Variants in C4orf50 observed in about 807,000 individuals in gnomAD.
C4orf50 encodes uncharacterized protein C4orf50.
C4orf50 carries 80 observed loss-of-function variants against 77.2 expected under a neutral mutation model. That is an observed-to-expected ratio of 1.04 (90% confidence interval 0.87 to 1.25). The LOEUF is 1.25. Ranked by LOEUF, C4orf50 falls within the 50% of genes most tolerant of loss-of-function variation. The pLI is 0.00. For synonymous variants in C4orf50, 532 were observed against 465.3 expected, an observed-to-expected ratio of 1.14 and a Z score of -1.84; for missense variants, 1,257 against 1,152.9, an observed-to-expected ratio of 1.09 and a Z score of -1.31.
intron 28 of C4orf50, among the ~76,000 whole-genome samples, chr4:5,981,924 G>T (rs529320087): frequency 4.6e-5 from 7 of 152,248 alleles, no homozygotes; most frequent in African/African-American, 1.7e-4. Context: ...GGGTAGGTAG[G>T]AGGGGGATCC....
intron 25 of C4orf50, among the ~76,000 whole-genome samples, chr4:5,995,068 C>T (rs1425885339): frequency 6.6e-6 from 1 of 152,112 alleles, no homozygotes; most frequent in Non-Finnish European, 1.5e-5. Context: ...AAATGTCTTC[C>T]ATGAAACCAG....
chr4:6,011,014 G>A lies in C4orf50; in HGVS notation c.426+816C>T, dbSNP rs1051762674. On this transcript the variant is annotated intron_variant, in intron 24 of 33. Transcript: ENST00000531445. This position sits in a 1 kb window ranked among gnomAD's most constrained non-coding sequence, Gnocchi z 4.2. ...ACTTGCCCAAGGTCACACAGCTATCGAGTGGCAGAGCCAGGGTTTGGCTCC... is the reference window on the plus strand; with the variant it reads ...ACTTGCCCAAGGTCACACAGCTATCAAGTGGCAGAGCCAGGGTTTGGCTCC... Among the ~76,000 whole-genome samples the A allele has an allele frequency of 4.6e-5, 7 of 152,106 alleles. No individual in the cohort carries two copies. Among genetic ancestry groups the A allele is most frequent in the Admixed American group, 2.0e-4 (3 of 15,278 alleles).
At chr4:5,975,139 CAAAAAAAA>C (rs763836859) in intron 30 of C4orf50, among the ~76,000 whole-genome samples, 157 of 82,612 alleles carry the variant, frequency 1.9e-3, no homozygotes, top group East Asian at 0.016. Context: ...CACTCCATCT[CAAAAAAAA>C]AAAAAAAAAA....
exon 33 of C4orf50, chr4:5,965,125 G>C (rs541909138): frequency 1.2e-6 from 2 of 1,613,068 alleles, no homozygotes; most frequent in East Asian, 2.2e-5. Context: ...TCCATTTCAG[G>C]ATTCAAGAGG....
At chr4:5,990,327 TTTCCCCTTCCTGCCCAAA>T in exon 28 of C4orf50, 1 of 903,256 alleles carries the variant, frequency 1.1e-6, no homozygotes, top group Non-Finnish European at 1.5e-6. Context: ...CACCAAGGTT[TTTCCCCTTCCTGCCCAAA>T]GTCCCCCTTG....
chr4:5,939,042 G>C (rs1276006680), intron 7 of C4orf50, among the ~76,000 whole-genome samples: 1 of 152,142 alleles, frequency 6.6e-6, no homozygotes, highest in Admixed American at 6.5e-5. Flanking sequence ...AGGAGTTCAA[G>C]ACCAGCCTGG....
intron 25 of C4orf50, among the ~76,000 whole-genome samples, chr4:6,004,051 A>ATGATGG (rs1722032119): frequency 1.9e-5 from 1 of 51,706 alleles, no homozygotes; most frequent in Non-Finnish European, 4.1e-5. Context: ...GGTGATGGTG[A>ATGATGG]TGATGGTGAT....
chr4:5,953,739 G>A (rs1012738017), downstream of C4orf50, among the ~76,000 whole-genome samples: 3 of 152,178 alleles, frequency 2.0e-5, no homozygotes, highest in African/African-American at 7.2e-5. Flanking sequence ...TCCAAGACCT[G>A]CCCACCACAG....
chr4:5,914,652 T>C (rs1375516171), intron 7 of C4orf50, among the ~76,000 whole-genome samples: 1 of 152,244 alleles, frequency 6.6e-6, no homozygotes, highest in African/African-American at 2.4e-5. Context: ...AGCCAGCAGA[T>C]CTATCTGAAG....
At chr4:5,984,746 A>C (rs2108785062) in intron 28 of C4orf50, among the ~76,000 whole-genome samples, 1 of 152,258 alleles carries the variant, frequency 6.6e-6, no homozygotes, top group Middle Eastern at 3.4e-3. Context: ...AATTTCTAGA[A>C]GGAGAGGAAA....
intron 7 of C4orf50, among the ~76,000 whole-genome samples, chr4:5,925,707 G>C (rs908524102): frequency 6.6e-6 from 1 of 152,256 alleles, no homozygotes; most frequent in African/African-American, 2.4e-5. Context: ...ACATGGCCCT[G>C]GCCTTGGGGG....
intron 7 of C4orf50, among the ~76,000 whole-genome samples, chr4:5,931,961 G>A (rs1199465616): frequency 6.6e-6 from 1 of 152,126 alleles, no homozygotes; most frequent in Non-Finnish European, 1.5e-5. Flanking sequence ...ACGCAGAAGG[G>A]CAGAGGAGAA....
intron 7 of C4orf50, among the ~76,000 whole-genome samples, chr4:5,920,392 G>A (rs553388143): frequency 1.3e-5 from 2 of 152,158 alleles, no homozygotes; most frequent in South Asian, 4.1e-4. Context: ...CTATAACAGG[G>A]TCTGGAACAT....
At chr4:5,927,003 G>T (rs1458384074) in intron 7 of C4orf50, among the ~76,000 whole-genome samples, 1 of 152,140 alleles carries the variant, frequency 6.6e-6, no homozygotes, top group Non-Finnish European at 1.5e-5. Flanking sequence ...GACAGACAGG[G>T]AGTGTTCTGG....
chr4:5,931,794 G>C (rs1717780360), intron 7 of C4orf50, among the ~76,000 whole-genome samples: 1 of 152,048 alleles, frequency 6.6e-6, no homozygotes, highest in East Asian at 1.9e-4. Context: ...GTGGATCCAG[G>C]CTCTCCTTTA....
chr4:5,911,951 C>T (rs967706669), intron 7 of C4orf50, among the ~76,000 whole-genome samples: 1 of 152,068 alleles, frequency 6.6e-6, no homozygotes, highest in African/African-American at 2.4e-5. Context: ...GAGGCTGAGG[C>T]GGGAAAATCG....
chr4:5,994,411 G>T lies in C4orf50; in HGVS notation c.1029C>A (p.Cys343Ter). 1 of 399,224 alleles carries T rather than the reference G, an allele frequency of 2.5e-6. No homozygotes were observed. Among genetic ancestry groups the T allele is most frequent in the East Asian group, 3.6e-5 (1 of 28,078 alleles). The allele number at this position is 399,224 out of a possible 1,614,324, so 24.7% of individuals were successfully genotyped here. A position where few individuals can be genotyped will look rare whatever the true frequency, so the allele number is the denominator to read the frequency against. ...GGGAGTTCCGCCAGTCTTGGCTTCTGCAGGGGTCCAGGGCCTCCTCCCTGG... is the reference window on the plus strand; with the variant it reads ...GGGAGTTCCGCCAGTCTTGGCTTCTTCAGGGGTCCAGGGCCTCCTCCCTGG... The change falls in exon 26 of 34, where the codon TGC (cysteine) becomes TGA (stop). Residue 343 changes from cysteine to a stop codon, truncating the protein, a stop_gained. Coordinates refer to ENST00000531445, the Ensembl canonical transcript of C4orf50. LOFTEE classifies it high-confidence loss of function.
chr4:5,927,568 G>A (rs1717572217), intron 7 of C4orf50, among the ~76,000 whole-genome samples: 1 of 151,950 alleles, frequency 6.6e-6, no homozygotes, highest in Non-Finnish European at 1.5e-5. Flanking sequence ...TCTGGTGATA[G>A]TGAGGGAGTT....
chr4:6,004,113 ATGATGG>A (rs1722049925), intron 25 of C4orf50, among the ~76,000 whole-genome samples: 11 of 84,510 alleles, frequency 1.3e-4, no homozygotes, highest in Admixed American at 4.1e-4. Context: ...GGTGATGGTG[ATGATGG>A]TGATAGTGAT....
Sources: allele counts gnomAD v4.1 joint callset (sites outside exome capture counted in the v4.1 genomes callset), GRCh38; gene constraint gnomAD v4.1.1; non-coding constraint Gnocchi (gnomAD v3.1); transcripts MANE v1.5; gene names NCBI Gene and HGNC (gene_info 2026-07-23, HGNC 2026-07-21).